Variants in TMTC2 observed in about 807,000 individuals in gnomAD.
The protein encoded by TMTC2 is transmembrane O-mannosyltransferase targeting cadherins 2.
Under a neutral mutation model 82.4 loss-of-function variants are expected in TMTC2, and 43 were observed. The ratio of observed to expected loss-of-function variants is 0.52; its 90% CI spans 0.41 to 0.67. The LOEUF is 0.67. TMTC2 is among the 30% of genes least tolerant of loss of function. The pLI, the probability that TMTC2 is intolerant of heterozygous loss-of-function variation, is 0.00. For synonymous variants in TMTC2, 408 were observed against 381.9 expected (o/e 1.07, Z -0.80); for missense variants, 919 against 1,012.4 (o/e 0.91, Z 1.25).
intron 1 of TMTC2, among the ~76,000 whole-genome samples, chr12:82,825,420 G>A (rs111501350): frequency 6.6e-6 from 1 of 152,142 alleles, no homozygotes; most frequent in Non-Finnish European, 1.5e-5. Flanking sequence ...GGATAAGCCA[G>A]TACAGGGCCA....
intron 1 of TMTC2, among the ~76,000 whole-genome samples, chr12:82,689,625 C>T (rs1314380619): frequency 6.6e-6 from 1 of 151,852 alleles, no homozygotes; most frequent in Non-Finnish European, 1.5e-5. Flanking sequence ...TATAATTGTT[C>T]TGTGCTCTTG....
intron 8 of TMTC2, among the ~76,000 whole-genome samples, chr12:83,001,293 C>A (rs1309000933): frequency 1.3e-5 from 2 of 152,078 alleles, no homozygotes; most frequent in African/African-American, 2.4e-5. Context: ...AAACTGAATG[C>A]CTTTAACAGC....
chr12:82,849,729 G>A (rs962925480), intron 1 of TMTC2, among the ~76,000 whole-genome samples: 14 of 152,064 alleles, frequency 9.2e-5, no homozygotes, highest in Non-Finnish European at 1.5e-4. Flanking sequence ...TGTCAGAATA[G>A]CAACTCAAGC....
At chr12:82,711,438 A>T (rs966369688) in intron 1 of TMTC2, among the ~76,000 whole-genome samples, 2 of 143,540 alleles carry the variant, frequency 1.4e-5, no homozygotes, top group Non-Finnish European at 3.0e-5. Context: ...ATATGTTGTT[A>T]AAAAAAAAAA....
intron 1 of TMTC2, among the ~76,000 whole-genome samples, chr12:82,746,663 C>T (rs1002937424): frequency 1.3e-5 from 2 of 152,190 alleles, no homozygotes; most frequent in Non-Finnish European, 2.9e-5. Context: ...TAATTAAAGT[C>T]CCAAATCAGT....
At chr12:82,844,702 T>A (rs571190222) in intron 1 of TMTC2, among the ~76,000 whole-genome samples, 91 of 151,324 alleles carry the variant, frequency 6.0e-4, no homozygotes, top group Non-Finnish European at 1.2e-3. Flanking sequence ...CTCGGGAGAC[T>A]GAGGCAGGAG....
At chr12:82,769,569 T>C (rs963933084) in intron 1 of TMTC2, among the ~76,000 whole-genome samples, 1 of 152,190 alleles carries the variant, frequency 6.6e-6, no homozygotes, top group African/African-American at 2.4e-5. Flanking sequence ...TTATCTTGTC[T>C]AATGTTTCTG....
At chr12:82,981,728 C>T (rs943919058) in intron 7 of TMTC2, among the ~76,000 whole-genome samples, 5 of 151,716 alleles carry the variant, frequency 3.3e-5, no homozygotes, top group Non-Finnish European at 7.4e-5. Context: ...CTGTCCTATT[C>T]CCGACCAAGT....
intron 8 of TMTC2, among the ~76,000 whole-genome samples, chr12:83,019,441 A>T (rs1324432101): frequency 1.3e-5 from 2 of 152,132 alleles, no homozygotes; most frequent in East Asian, 3.9e-4. Context: ...GTTTTTCAGC[A>T]TTAGACACAA....
At chr12:82,833,920 T>G (rs924368719) in intron 1 of TMTC2, among the ~76,000 whole-genome samples, 3 of 152,192 alleles carry the variant, frequency 2.0e-5, no homozygotes, top group African/African-American at 7.2e-5. Flanking sequence ...GTAGATCTCT[T>G]TAAAATGATT....
chr12:82,726,803 C>T (rs1249189255), intron 1 of TMTC2, among the ~76,000 whole-genome samples: 1 of 148,194 alleles, frequency 6.7e-6, no homozygotes, highest in Non-Finnish European at 1.5e-5. Context: ...GGCGTGAACC[C>T]AGGAGGCAGA....
At chr12:82,777,135 A>T (rs1877640137) in intron 1 of TMTC2, among the ~76,000 whole-genome samples, 1 of 152,110 alleles carries the variant, frequency 6.6e-6, no homozygotes, top group Non-Finnish European at 1.5e-5. Flanking sequence ...CACACCCTTG[A>T]ATTTGCTATG....
chr12:82,842,665 T>C (rs1870405206), intron 1 of TMTC2, among the ~76,000 whole-genome samples: 1 of 152,212 alleles, frequency 6.6e-6, no homozygotes, highest in Non-Finnish European at 1.5e-5. Flanking sequence ...TGGAATCTTA[T>C]GTTCTCACAG....
In TMTC2 at chr12:82,857,162, T is replaced by C. The variant is rs774935233; in HGVS notation, c.236T>C (p.Ile79Thr). 1.4e-5 allele frequency: 23 copies of C among 1,614,004 alleles called. No individual in the cohort carries two copies. The highest frequency in any genetic ancestry group is 2.2e-5 in the South Asian group (2 of 91,088). ...CTTTCTTTTCGCCTGAACCATGCCA[T>C]TGGAGGGTTGAATCCCTGGAGCTAC... is the stretch of plus-strand genomic sequence containing the variant. Reference protein sequence around the residue: ...CTLSFRLNHAIGGLNPWSYHL... With the variant: ...CTLSFRLNHATGGLNPWSYHL... The change falls in exon 2 of 12, where the codon ATT becomes ACT. Residue 79 changes from isoleucine (I) to threonine (T), a missense_variant. Physicochemically the swap from Ile to Thr is moderately conservative, Grantham distance 89 (BLOSUM62 -1). Coordinates refer to ENST00000321196, the MANE Select transcript of TMTC2 (RefSeq NM_152588.3).
chr12:83,048,610 C>T (rs1056364964), intron 9 of TMTC2, among the ~76,000 whole-genome samples: 1 of 152,136 alleles, frequency 6.6e-6, no homozygotes, highest in Non-Finnish European at 1.5e-5. Flanking sequence ...CTTACCTTTA[C>T]TCAGCATTGT....
intron 3 of TMTC2, among the ~76,000 whole-genome samples, chr12:82,917,009 C>T (rs993581910): frequency 4.6e-5 from 7 of 151,768 alleles, no homozygotes; most frequent in African/African-American, 1.5e-4. Context: ...TGTAATAATC[C>T]GAGGTATAAT....
At chr12:82,731,053 G>A (rs1874782005) in intron 1 of TMTC2, among the ~76,000 whole-genome samples, 1 of 152,156 alleles carries the variant, frequency 6.6e-6, no homozygotes, top group Non-Finnish European at 1.5e-5. Flanking sequence ...GTGCACATGT[G>A]TTTGTAATTA....
At chr12:83,065,644 T>G (rs549069216) in intron 11 of TMTC2, among the ~76,000 whole-genome samples, 5 of 152,020 alleles carry the variant, frequency 3.3e-5, no homozygotes, top group Admixed American at 6.6e-5. Flanking sequence ...AATTTTTTTT[T>G]GGTTTTAAAT....
intron 1 of TMTC2, among the ~76,000 whole-genome samples, chr12:82,812,038 G>A (rs372014678): frequency 1.3e-5 from 2 of 151,782 alleles, no homozygotes; most frequent in Non-Finnish European, 2.9e-5. Context: ...GGCTGGTCTC[G>A]AACTCCTGAC....
Sources: gnomAD v4.1 joint callset for allele counts (sites outside exome capture counted in the v4.1 genomes callset) on GRCh38, gnomAD v4.1.1 for gene constraint, MANE v1.5 for transcripts, NCBI Gene and HGNC (gene_info 2026-07-23, HGNC 2026-07-21) for gene names.